The following DTX1 variants were observed in gnomAD, a reference collection of about 807,000 sequenced individuals.
The protein encoded by DTX1 is E3 ubiquitin-protein ligase DTX1.
In DTX1, 26 loss-of-function variants were observed where a neutral mutation model predicts 57.8. That is an observed-to-expected ratio of 0.45 (90% CI 0.33 to 0.62). DTX1 has a LOEUF of 0.62. Ranked by LOEUF, DTX1 falls within the 20% of genes least tolerant of loss-of-function variation. DTX1 has a pLI of 0.02. For missense variants in DTX1, 704 were observed against 895.3 expected (o/e 0.79, Z 2.73); for synonymous variants, 398 against 394.1 (o/e 1.01, Z -0.12).
intron 3 of DTX1, among the ~76,000 whole-genome samples, chr12:113,089,628 C>T (rs1950232284): frequency 6.6e-6 from 1 of 152,244 alleles, no homozygotes; most frequent in Admixed American, 6.5e-5. Flanking sequence ...GCTCAGGGTT[C>T]GTGGGAACTC....
chr12:113,096,931 A>G lies in DTX1; in HGVS notation c.1855A>G (p.Lys619Glu), dbSNP rs556633289. The G allele has an allele frequency of 6.2e-7, 1 of 1,610,552 alleles. No individual in the cohort carries two copies. The highest frequency in any genetic ancestry group is 8.5e-7 in the Non-Finnish European group (1 of 1,179,686). ...TAQGVSEAAA[K>E]A is the part of the protein sequence containing the mutation. Reference sequence around the variant, plus strand: ...CCAGGGCGTATCCGAGGCTGCAGCCAAGGCTTGAGGCCCAAGGCTGCCCAC... The same window carrying G: ...CCAGGGCGTATCCGAGGCTGCAGCCGAGGCTTGAGGCCCAAGGCTGCCCAC... Residue 619 changes from lysine (K) to glutamate (E), a missense_variant, in exon 10 of 10, where the codon AAG becomes GAG. Lys to Glu is a moderately conservative substitution (Grantham distance 56). Around this residue, in one of 3 missense-constraint regions of DTX1, gnomAD observed 168 missense variants for 255.6 expected, o/e 0.66. Transcript: ENST00000548759.
chr12:113,077,619 A>G lies in DTX1; in HGVS notation c.455A>G (p.Tyr152Cys), dbSNP rs2044782121. 6.2e-7 allele frequency: 1 copy of G among 1,612,224 alleles called. No homozygotes were observed. Among genetic ancestry groups the G allele is most frequent in the Admixed American group, 1.7e-5 (1 of 59,952 alleles). Residue 152 changes from tyrosine to cysteine, a missense_variant, in exon 3 of 10, where the codon TAC becomes TGC. Physicochemically the swap from Tyr to Cys is radical, Grantham distance 194 (BLOSUM62 -2). Coordinates refer to ENST00000548759, the MANE Select transcript of DTX1 (RefSeq NM_004416.3). This position sits in a 1 kb window ranked among gnomAD's most constrained non-coding sequence, Gnocchi z 7.8. ...TCGCTAGGCTTCTGCTACCTCATCT[A>G]CTTCAACAGCATGTCGCAGATGAAC... ...LSSLGFCYLI[Y>C]FNSMSQMNRQ...
intron 2 of DTX1, among the ~76,000 whole-genome samples, chr12:113,062,294 A>C (rs545680906): frequency 1.3e-5 from 2 of 152,336 alleles, no homozygotes; most frequent in South Asian, 4.1e-4. Context: ...TGGGACCTGC[A>C]GTCTCTGTTG....
intron 2 of DTX1, among the ~76,000 whole-genome samples, chr12:113,062,815 C>CCCACA (rs1566013072): frequency 6.6e-6 from 1 of 152,222 alleles, no homozygotes; most frequent in Non-Finnish European, 1.5e-5. Context: ...ACAGGGGCTG[C>CCCACA]GGTTTGTTCA....
In DTX1 at chr12:113,058,160, G is replaced by C. The variant is rs1279869960; in HGVS notation, c.-33G>C. On this transcript the variant is annotated 5_prime_UTR_variant, in exon 2 of 10. Transcript: ENST00000548759. Reference sequence around the variant, plus strand: ...CCCAGGAGGAGCTGGGCCTGCAATAGTGGGGGACCTGGCCCCTGAGGCAGT... The same window carrying C: ...CCCAGGAGGAGCTGGGCCTGCAATACTGGGGGACCTGGCCCCTGAGGCAGT... 1.3e-6 allele frequency: 2 copies of C among 1,565,816 alleles called. No homozygotes were observed.
At chr12:113,088,930 G>T (rs1027222530) in intron 3 of DTX1, among the ~76,000 whole-genome samples, 1 of 152,060 alleles carries the variant, frequency 6.6e-6, no homozygotes, top group East Asian at 1.9e-4. Flanking sequence ...TGGGAAGATC[G>T]CTTGAGCCCA....
chr12:113,061,441 A>G (rs1211718593), intron 2 of DTX1, among the ~76,000 whole-genome samples: 1 of 152,172 alleles, frequency 6.6e-6, no homozygotes, highest in Non-Finnish European at 1.5e-5. Context: ...TCTTGTCCTC[A>G]TTGGTAACGC....
intron 2 of DTX1, among the ~76,000 whole-genome samples, chr12:113,070,768 C>T (rs1749370557): frequency 6.6e-6 from 1 of 152,216 alleles, no homozygotes; most frequent in Non-Finnish European, 1.5e-5. Context: ...GGTTGAACCC[C>T]ATGGAACCAG....
At chr12:113,095,743 GTT>G in intron 9 of DTX1, 2 of 323,938 alleles carry the variant, frequency 6.2e-6, no homozygotes, top group Non-Finnish European at 1.2e-5. Context: ...CACCCTACAG[GTT>G]GTCTGATTTG....
Position 113,057,944 on chromosome 12 carries a change from A to C in DTX1, c.-249A>C, listed in dbSNP as rs2044639832. 1 of 589,564 alleles carries C rather than the reference A, an allele frequency of 1.7e-6. No individual in the cohort carries two copies. Among genetic ancestry groups the C allele is most frequent in the African/African-American group, 1.9e-5 (1 of 53,850 alleles). 36.5% of individuals were successfully genotyped at this position (589,564 alleles called of 1,614,324 possible). A position where few individuals can be genotyped will look rare whatever the true frequency, so the allele number is the denominator to read the frequency against. On this transcript the variant is annotated 5_prime_UTR_variant, in exon 2 of 10. Transcript: ENST00000548759. ...CTGTTTCCTCCGGCATAAGAGAGAC[A>C]CTTGCTTTCCAGGGCAGCACCCTTT...
chr12:113,085,104 C>CAGTGGCG (rs1267993242), intron 3 of DTX1, among the ~76,000 whole-genome samples: 1 of 142,018 alleles, frequency 7.0e-6, no homozygotes. Context: ...GGCTGGAGTG[C>CAGTGGCG]AGTGGCGAGA....
chr12:113,058,598 C>A (rs2044647005), intron 2 of DTX1, 147 bp downstream of exon 2: 4 of 1,380,034 alleles, frequency 2.9e-6, no homozygotes, highest in Middle Eastern at 2.3e-4. Flanking sequence ...GGCAGTCTAA[C>A]CTTGTCCAGT....
chr12:113,070,179 C>T (rs74906421), intron 2 of DTX1, among the ~76,000 whole-genome samples: 4,169 of 152,300 alleles, frequency 0.027, 107 homozygotes, highest in African/African-American at 0.065. Context: ...CACACTCTTT[C>T]GCTTGAATGA....
At chr12:113,089,800 G>A (rs1950233361) in intron 3 of DTX1, 1 of 152,210 alleles carries the variant, frequency 6.6e-6, no homozygotes, top group African/African-American at 2.4e-5. Flanking sequence ...TTGTAATCTA[G>A]GGCTATGTGG....
Position 113,095,320 on chromosome 12 carries a change from T to G in DTX1, c.1549-5T>G, listed in dbSNP as rs566085858. ...TCTAAATCCCTGTACTGTCCCTCTC[T>G]GCAGGGCCCTGAGCACCCCAACCCC... On this transcript the variant is annotated splice_region_variant and splice_polypyrimidine_tract_variant and intron_variant, in intron 8 of 9. Coordinates refer to ENST00000548759, the MANE Select transcript of DTX1 (RefSeq NM_004416.3). 216 of 1,614,058 alleles carry G rather than the reference T, an allele frequency of 1.3e-4. No homozygotes were observed. The East Asian group carries it at 4.1e-3, about 31-fold the overall frequency.
intron 3 of DTX1, among the ~76,000 whole-genome samples, chr12:113,085,649 T>C (rs1255570036): frequency 6.6e-6 from 1 of 152,246 alleles, no homozygotes; most frequent in Non-Finnish European, 1.5e-5. Context: ...TTCTGTAGTT[T>C]GCTGTTTCTT....
intron 2 of DTX1, among the ~76,000 whole-genome samples, chr12:113,076,943 C>T (rs985500026): frequency 6.6e-6 from 1 of 152,048 alleles, no homozygotes; most frequent in African/African-American, 2.4e-5. Context: ...AACCCCCAGG[C>T]CCCCTTTGCC....
At chr12:113,075,461 C>T (rs1322097684) in intron 2 of DTX1, among the ~76,000 whole-genome samples, 1 of 152,224 alleles carries the variant, frequency 6.6e-6, no homozygotes, top group Non-Finnish European at 1.5e-5. Context: ...AAGTGTGCAG[C>T]CTTTCTGCAG....
intron 2 of DTX1, among the ~76,000 whole-genome samples, chr12:113,062,499 C>T (rs780775776): frequency 4.6e-5 from 7 of 152,152 alleles, no homozygotes; most frequent in East Asian, 1.9e-4. Context: ...CTGAGCTGCA[C>T]GATAGCAGAT....
Sources: gnomAD v4.1 joint callset for allele counts (sites outside exome capture counted in the v4.1 genomes callset) on GRCh38, gnomAD v4.1.1 for gene constraint, gnomAD v4.1.1 regional missense constraint, Gnocchi (gnomAD v3.1) non-coding constraint, MANE v1.5 for transcripts, NCBI Gene and HGNC (gene_info 2026-07-23, HGNC 2026-07-21) for gene names.